Variants in ROCK2 observed in about 807,000 individuals in gnomAD.
The protein encoded by ROCK2 is Rho associated coiled-coil containing protein kinase 2.
A neutral mutation model predicts 195.1 loss-of-function variants in ROCK2; 61 were observed. That is an observed-to-expected ratio of 0.31 (90% CI 0.25 to 0.39). The LOEUF is 0.39. Among genes scored for constraint, ROCK2 ranks in the 10% least tolerant of loss-of-function variants. ROCK2 has a pLI of 1.00. For synonymous variants in ROCK2, 504 were observed against 545.5 expected, an observed-to-expected ratio of 0.92 and a Z score of 1.06; for missense variants, 1,109 against 1,637.4, an observed-to-expected ratio of 0.68 and a Z score of 5.57.
At position 11,195,944 on chromosome 2, in the gene ROCK2, G is replaced by A. The variant is rs144689694; in HGVS notation, c.3449-919C>T. Reference sequence around the variant, plus strand: ...GAATGTGTATGAATCCTCGGAATTTGTTTTAATGACATTTGATCAATGTCT... The same window carrying A: ...GAATGTGTATGAATCCTCGGAATTTATTTTAATGACATTTGATCAATGTCT... On this transcript the variant is annotated intron_variant, in intron 27 of 32. Coordinates refer to ENST00000315872, the MANE Select transcript of ROCK2 (RefSeq NM_004850.5). Among the ~76,000 whole-genome samples the A allele has an allele frequency of 4.5e-4, 69 of 152,316 alleles. 1 individual carries two copies. The highest frequency in any genetic ancestry group is 1.4e-3 in the African/African-American group (57 of 41,572).
In ROCK2 at chr2:11,215,086, G is replaced by A; in HGVS notation, c.1690C>T (p.Leu564=). Residue 564 remains leucine (L), a splice_region_variant and synonymous_variant, in exon 16 of 33, where the codon CTG becomes TTG. Coordinates refer to ENST00000315872, the MANE Select transcript of ROCK2 (RefSeq NM_004850.5). ...TEKVNQLQRQ[L]DETNALLRTE... ...CGCAGTAAAGCATTGGTTTCATCCA[G>A]CTGTTATTCCATTCAAAACCAAACA... 1 of 1,613,836 alleles carries A rather than the reference G, an allele frequency of 6.2e-7. No homozygotes were observed. The highest frequency in any genetic ancestry group is 1.1e-5 in the South Asian group (1 of 91,016).
At chr2:11,207,426 G>GA (rs1664092445) in intron 20 of ROCK2, among the ~76,000 whole-genome samples, 1 of 152,168 alleles carries the variant, frequency 6.6e-6, no homozygotes, top group African/African-American at 2.4e-5. Flanking sequence ...ATAAGCTTGA[G>GA]AAAGAGCCCT....
chr2:11,276,136 T>G (rs1666819281), intron 3 of ROCK2, among the ~76,000 whole-genome samples: 1 of 152,222 alleles, frequency 6.6e-6, no homozygotes, highest in South Asian at 2.1e-4. Flanking sequence ...CTAAAAGTTT[T>G]TCCGCTAAGA....
chr2:11,201,391 C>G lies in ROCK2; in HGVS notation c.2642G>C (p.Arg881Thr), dbSNP rs200468857. The G allele has an allele frequency of 7.1e-5, 115 of 1,608,946 alleles. No homozygotes were observed. Among genetic ancestry groups the G allele is most frequent in the Non-Finnish European group, 9.4e-5 (111 of 1,175,842 alleles). ...TTCTTCACATTCTTCTTTAAGCTCC[C>G]TAACTTGTGTTTTATAAAGGGTCTA... The part of the protein sequence containing the change: ...YFSTLYKTQV[R>T]ELKEECEEKT... Residue 881 changes from arginine (R) to threonine (T), a missense_variant, in exon 22 of 33, where the codon AGG (arginine) becomes ACG (threonine). This residue lies in a region of ROCK2 where 542 missense variants were observed against 672.0 expected (regional missense o/e 0.81). Transcript: ENST00000315872. The surrounding 1 kb of genome is among the most constrained non-coding windows in gnomAD (Gnocchi z 4.6).
intron 1 of ROCK2, among the ~76,000 whole-genome samples, chr2:11,329,763 T>G (rs968201397): frequency 3.9e-5 from 6 of 152,086 alleles, no homozygotes; most frequent in African/African-American, 1.4e-4. Context: ...ATCCTTTAGG[T>G]GCGTTTTCTC....
At chr2:11,329,641 G>A (rs1361230430) in intron 1 of ROCK2, among the ~76,000 whole-genome samples, 2 of 151,400 alleles carry the variant, frequency 1.3e-5, no homozygotes, top group Non-Finnish European at 2.9e-5. Context: ...TCTTAAAAAT[G>A]GAAAACAATC....
rs755655484 is a variant in ROCK2, at chr2:11,215,029, T to C, written c.1747A>G (p.Lys583Glu). 6.2e-7 allele frequency: 1 copy of C among 1,614,114 alleles called. No individual in the cohort carries two copies. The change falls in exon 16 of 33, where the codon AAA becomes GAA. Residue 583 changes from lysine to glutamate, a missense_variant. Lys to Glu is a moderately conservative substitution (Grantham distance 56). Transcript: ENST00000315872. ...TGTTTTGAACTTTCTGCCTGGGTTTTCCTTAACCGGGCTGCAGTATCAGAC... is the reference window on the plus strand; with the variant it reads ...TGTTTTGAACTTTCTGCCTGGGTTTCCCTTAACCGGGCTGCAGTATCAGAC... The part of the protein sequence containing the change: ...TESDTAARLR[K>E]TQAESSKQIQ...
At chr2:11,294,748 G>A (rs1189923884) in intron 1 of ROCK2, among the ~76,000 whole-genome samples, 1 of 151,916 alleles carries the variant, frequency 6.6e-6, no homozygotes, top group Non-Finnish European at 1.5e-5. Flanking sequence ...AGAAACACAT[G>A]AATAAAATTA....
chr2:11,286,510 A>C (rs370353350), intron 3 of ROCK2, 29 bp downstream of exon 3: 2 of 1,349,370 alleles, frequency 1.5e-6, no homozygotes, highest in Non-Finnish European at 2.1e-6. Flanking sequence ...GATGTCATAG[A>C]GAACAATAAG....
At chr2:11,280,919 A>G (rs1370520677) in intron 3 of ROCK2, among the ~76,000 whole-genome samples, 1 of 152,176 alleles carries the variant, frequency 6.6e-6, no homozygotes, top group Non-Finnish European at 1.5e-5. Context: ...GGTCAGCAAA[A>G]AACTTGACAA....
chr2:11,327,644 T>A (rs4669711), intron 1 of ROCK2, among the ~76,000 whole-genome samples: 1 of 152,066 alleles, frequency 6.6e-6, no homozygotes, highest in African/African-American at 2.4e-5. Flanking sequence ...CTCACTGAAA[T>A]CTCCACCTCC....
chr2:11,248,903 C>CT (rs1292891371), intron 4 of ROCK2, among the ~76,000 whole-genome samples: 4 of 151,166 alleles, frequency 2.6e-5, no homozygotes, highest in South Asian at 4.2e-4. Flanking sequence ...ACATAAGCTT[C>CT]TTTTTTTGTT....
intron 1 of ROCK2, among the ~76,000 whole-genome samples, chr2:11,342,383 A>G (rs1287760957): frequency 6.6e-6 from 1 of 152,246 alleles, no homozygotes; most frequent in East Asian, 1.9e-4. Context: ...TTGGAAAGCA[A>G]TAAAACAAAA....
intron 1 of ROCK2, among the ~76,000 whole-genome samples, chr2:11,331,679 C>A (rs892350013): frequency 2.0e-5 from 3 of 152,174 alleles, no homozygotes; most frequent in African/African-American, 7.2e-5. Flanking sequence ...GTAATCCCAG[C>A]ACTTTGGGAG....
intron 32 of ROCK2, among the ~76,000 whole-genome samples, chr2:11,190,822 A>G (rs1663396640): frequency 6.6e-6 from 1 of 152,110 alleles, no homozygotes; most frequent in South Asian, 2.1e-4. Context: ...TAGTTCTACA[A>G]TATTAATAAT....
At chr2:11,262,082 T>C (rs905430289) in intron 3 of ROCK2, among the ~76,000 whole-genome samples, 3 of 152,214 alleles carry the variant, frequency 2.0e-5, no homozygotes, top group Non-Finnish European at 4.4e-5. Context: ...TGTTATGTAG[T>C]ATGACATGAA....
intron 3 of ROCK2, among the ~76,000 whole-genome samples, chr2:11,283,326 C>T (rs1240135277): frequency 6.7e-6 from 1 of 149,544 alleles, no homozygotes; most frequent in Non-Finnish European, 1.5e-5. Flanking sequence ...TTTGGGAGGC[C>T]GAGGCGGGTG....
intron 1 of ROCK2, among the ~76,000 whole-genome samples, chr2:11,300,996 T>G (rs192461673): frequency 7.2e-5 from 11 of 152,316 alleles, no homozygotes; most frequent in Non-Finnish European, 1.5e-4. Context: ...AAACTTATGA[T>G]AGTTCTCAAA....
intron 1 of ROCK2, among the ~76,000 whole-genome samples, chr2:11,331,624 T>C (rs1271009360): frequency 1.3e-5 from 2 of 150,698 alleles, no homozygotes; most frequent in African/African-American, 4.9e-5. Context: ...TTAACATCTG[T>C]AGCTCAGAAA....
Sources: gnomAD v4.1 joint callset for allele counts (sites outside exome capture counted in the v4.1 genomes callset) on GRCh38, gnomAD v4.1.1 for gene constraint, gnomAD v4.1.1 regional missense constraint, Gnocchi (gnomAD v3.1) non-coding constraint, MANE v1.5 for transcripts, NCBI Gene and HGNC (gene_info 2026-07-23, HGNC 2026-07-21) for gene names.